Variants in SCNN1D observed in about 807,000 individuals in gnomAD.
SCNN1D encodes epithelial sodium channel subunit delta.
In SCNN1D, 104 loss-of-function variants were observed where a neutral mutation model predicts 87.8. The ratio of observed to expected loss-of-function variants is 1.18; its 90% CI spans 1.01 to 1.39. SCNN1D has a LOEUF of 1.39. SCNN1D is among the 40% of genes most tolerant of loss of function. The pLI is 0.00. For missense variants in SCNN1D, 1,324 were observed against 1,093.9 expected, an observed-to-expected ratio of 1.21 and a Z score of -2.97; for synonymous variants, 628 against 481.2, an observed-to-expected ratio of 1.31 and a Z score of -3.99.
At position 1,287,450 on chromosome 1, in the gene SCNN1D, C is replaced by G. The variant is rs1249241457; in HGVS notation, c.1311-58C>G. Reference sequence around the variant, plus strand: ...CAGGGCAGGCCATGGCCCCTCAGGCCAGCGTGACGGGCGCGGGCAGCCGAC... The same window carrying G: ...CAGGGCAGGCCATGGCCCCTCAGGCGAGCGTGACGGGCGCGGGCAGCCGAC... On this transcript the variant is annotated intron_variant, in intron 9 of 17. Coordinates refer to ENST00000379116, the MANE Select transcript of SCNN1D (RefSeq NM_001130413.4). 3 of 1,493,010 alleles carry G rather than the reference C, an allele frequency of 2.0e-6. No homozygotes were observed. In the Admixed American group the frequency reaches 6.6e-5, roughly 33 times the overall value. The allele number at this position is 1,493,010 out of a possible 1,614,324, so 92.5% of individuals were successfully genotyped here.
At chr1:1,281,103 C>T (rs1478081165) in intron 1 of SCNN1D, 123 bp from the exon 2 acceptor site, 9 of 930,298 alleles carry the variant, frequency 9.7e-6, no homozygotes, top group Middle Eastern at 3.3e-4. Context: ...GCACCAGAAC[C>T]GTCCCAGGGC....
In SCNN1D at chr1:1,290,682, C is replaced by G; in HGVS notation, c.1905C>G (p.Ser635=). ...CCACTGGGACCTCCAGGTGGCCTTC[C>G]GCCAAGTCAGCTGTGAGTCCCCAAA... ...KLSTGTSRWP[S]AKSAGWTLAT... is the part of the protein sequence containing the mutation. The change falls in exon 15 of 18, where the codon TCC becomes TCG. Residue 635 remains serine, a synonymous_variant. Coordinates refer to ENST00000379116, the MANE Select transcript of SCNN1D (RefSeq NM_001130413.4). The G allele has an allele frequency of 1.2e-6, 2 of 1,612,602 alleles. No individual in the cohort carries two copies. The highest frequency in any genetic ancestry group is 1.7e-6 in the Non-Finnish European group (2 of 1,179,932).
chr1:1,286,176 T>A lies in SCNN1D; in HGVS notation c.809T>A (p.Leu270His). ...GCGCTCTGCTGGCAGCTGGGGCTCC[T>A]CTTTGAGCGTCACTGGCACCGCCCG... is the stretch of plus-strand genomic sequence containing the variant. ...LVALCWQLGL[L>H]FERHWHRPVL... Residue 270 changes from leucine (L) to histidine (H), a missense_variant, in exon 7 of 18, where the codon CTC becomes CAC. Leu to His is a moderately conservative substitution (Grantham distance 99). Transcript: ENST00000379116. The A allele has an allele frequency of 1.9e-6, 3 of 1,605,270 alleles. No individual in the cohort carries two copies. The South Asian group carries it at 3.3e-5, about 18-fold the overall frequency.
chr1:1,288,040 G>GATC lies in SCNN1D; in HGVS notation c.1662+4_1662+5insTCA, dbSNP rs1329248046. ...ACAACACCTCCTACACCAGGCAGGTGAGGCTGGGCTGGCAGGGGGTGCGGG... is the reference window on the plus strand; with the variant it reads ...ACAACACCTCCTACACCAGGCAGGTGATCAGGCTGGGCTGGCAGGGGGTGCGGG... On this transcript the variant is annotated splice_donor_region_variant and intron_variant, in intron 12 of 17. Coordinates refer to ENST00000379116, the MANE Select transcript of SCNN1D (RefSeq NM_001130413.4). 5 of 1,525,002 alleles carry GATC rather than the reference G, an allele frequency of 3.3e-6. No individual in the cohort carries two copies. In the East Asian group the frequency reaches 1.0e-4, roughly 31 times the overall value. The allele number at this position is 1,525,002 out of a possible 1,614,324, so 94.5% of individuals were successfully genotyped here.
At chr1:1,283,312 G>A (rs1282596317) in intron 4 of SCNN1D, among the ~76,000 whole-genome samples, 1 of 152,164 alleles carries the variant, frequency 6.6e-6, no homozygotes, top group African/African-American at 2.4e-5. Flanking sequence ...GGGAGCTGAG[G>A]TCCCCACCCA....
intron 12 of SCNN1D, 30 bp from the exon 13 acceptor site, chr1:1,290,241 C>A: frequency 6.7e-7 from 1 of 1,498,586 alleles, no homozygotes; most frequent in Non-Finnish European, 9.0e-7. Flanking sequence ...CGCTCCATCC[C>A]ATGTCCCTGC....
At chr1:1,291,017 C>T in intron 16 of SCNN1D, 48 bp from the exon 17 acceptor site, 1 of 1,599,446 alleles carries the variant, frequency 6.3e-7, no homozygotes, top group Non-Finnish European at 8.5e-7. Flanking sequence ...CCCCCCTCCC[C>T]ATCATGAAGG....
Position 1,290,484 on chromosome 1 carries a change from C to T in SCNN1D, c.1788C>T (p.Cys596=). 2 of 1,612,696 alleles carry T rather than the reference C, an allele frequency of 1.2e-6. No individual in the cohort carries two copies. Among genetic ancestry groups the T allele is most frequent in the South Asian group, 1.1e-5 (1 of 91,086 alleles). The change falls in exon 14 of 18, where the codon TGC becomes TGT. Residue 596 remains cysteine, a synonymous_variant. Transcript: ENST00000379116. ...SSARHPAWGH[C]FYRLYQDLET... is the part of the protein sequence containing the mutation. Reference sequence around the variant, plus strand: ...CTCTGACCCCTCCCCAAGGACACTGCTTCTACCGCCTCTACCAGGACCTGG... The same window carrying T: ...CTCTGACCCCTCCCCAAGGACACTGTTTCTACCGCCTCTACCAGGACCTGG...
Position 1,291,347 on chromosome 1 carries a change from G to T in SCNN1D, c.2146G>T (p.Asp716Tyr), listed in dbSNP as rs369812333. ...CCTGGAGCTCCTGGAGCTGCTGCTC[G>T]ATGCTTCTGCCCTCACCCTGGTGCT... is the stretch of plus-strand genomic sequence containing the variant. Reference protein sequence around the residue: ...SLLELLELLLDASALTLVLGG... With the variant: ...SLLELLELLLYASALTLVLGG... Residue 716 changes from aspartate (D) to tyrosine (Y), a missense_variant, in exon 18 of 18, where the codon GAT (aspartate) becomes TAT (tyrosine). Coordinates refer to ENST00000379116, the MANE Select transcript of SCNN1D (RefSeq NM_001130413.4). 1 of 1,606,334 alleles carries T rather than the reference G, an allele frequency of 6.2e-7. No homozygotes were observed. Among genetic ancestry groups the T allele is most frequent in the South Asian group, 1.1e-5 (1 of 90,222 alleles).
At position 1,284,797 on chromosome 1, in the gene SCNN1D, C is replaced by G. The variant is rs536283899; in HGVS notation, c.464+707C>G. Among the ~76,000 whole-genome samples, 59 of 152,210 alleles carry G rather than the reference C, an allele frequency of 3.9e-4. 1 individual carries two copies. The highest frequency in any genetic ancestry group is 1.3e-3 in the African/African-American group (56 of 41,492). ...GGTGGAGAGGCCAGTGTAGTCCTGT[C>G]TCACACACACGCGCACATGCAGGGT... On this transcript the variant is annotated intron_variant, in intron 5 of 17. Coordinates refer to ENST00000379116, the MANE Select transcript of SCNN1D (RefSeq NM_001130413.4).
At chr1:1,284,735 G>A (rs532565358) in intron 5 of SCNN1D, among the ~76,000 whole-genome samples, 12 of 152,214 alleles carry the variant, frequency 7.9e-5, no homozygotes, top group Middle Eastern at 3.4e-3. Flanking sequence ...TGTGCATCCC[G>A]TGGGTTGGCC....
intron 7 of SCNN1D, among the ~76,000 whole-genome samples, 194 bp downstream of exon 7, chr1:1,286,472 TCA>T (rs1177169640): frequency 1.3e-5 from 2 of 152,178 alleles, no homozygotes; most frequent in African/African-American, 4.8e-5. Flanking sequence ...AGGAGGGGGC[TCA>T]GTGTGGTCAC....
intron 12 of SCNN1D, among the ~76,000 whole-genome samples, chr1:1,288,243 GTC>G (rs144175042): frequency 2.4e-4 from 32 of 135,642 alleles, no homozygotes; most frequent in East Asian, 1.2e-3. Context: ...TCCGTCCCGT[GTC>G]TCTGCTCCGT....
intron 7 of SCNN1D, among the ~76,000 whole-genome samples, 192 bp downstream of exon 7, chr1:1,286,470 G>A (rs1016153533): frequency 6.6e-6 from 1 of 152,180 alleles, no homozygotes; most frequent in African/African-American, 2.4e-5. Flanking sequence ...CAAGGAGGGG[G>A]CTCAGTGTGG....
In SCNN1D at chr1:1,291,585, A is replaced by C; in HGVS notation, c.2384A>C (p.Gln795Pro). The C allele has an allele frequency of 6.4e-7, 1 of 1,554,960 alleles. No homozygotes were observed. The highest frequency in any genetic ancestry group is 8.7e-7 in the Non-Finnish European group (1 of 1,147,754). ...VSAEESWAGP[Q>P]PLETLDT ...GCCGAAGAGAGCTGGGCTGGGCCCC[A>C]GCCCCTTGAGACTCTGGACACCTGA... Residue 795 changes from glutamine (Q) to proline (P), a missense_variant, in exon 18 of 18, where the codon CAG (glutamine) becomes CCG (proline). Gln to Pro is a moderately conservative substitution (Grantham distance 76, BLOSUM62 -1). Coordinates refer to ENST00000379116, the MANE Select transcript of SCNN1D (RefSeq NM_001130413.4).
At position 1,286,203 on chromosome 1, in the gene SCNN1D, T is replaced by C; in HGVS notation, c.836T>C (p.Val279Ala). 1 of 1,601,298 alleles carries C rather than the reference T, an allele frequency of 6.2e-7. No homozygotes were observed. The highest frequency in any genetic ancestry group is 8.5e-7 in the Non-Finnish European group (1 of 1,178,002). The change falls in exon 7 of 18, where the codon GTC (valine) becomes GCC (alanine). Residue 279 changes from valine to alanine, a missense_variant. Coordinates refer to ENST00000379116, the MANE Select transcript of SCNN1D (RefSeq NM_001130413.4). ...LLFERHWHRPVLMAVSVHSER... is the reference protein window; with the variant it reads ...LLFERHWHRPALMAVSVHSER... ...TTTGAGCGTCACTGGCACCGCCCGG[T>C]CCTCATGGCCGTCTCTGTGCACTCG... is the stretch of plus-strand genomic sequence containing the variant.
chr1:1,287,035 C>T (rs938794146), intron 8 of SCNN1D, 60 bp downstream of exon 8: 75 of 1,580,290 alleles, frequency 4.7e-5, no homozygotes, highest in South Asian at 2.2e-4. Context: ...CACGGCCCTG[C>T]GCTGCTGGTA....
chr1:1,285,556 C>T lies in SCNN1D; in HGVS notation c.465-15C>T, dbSNP rs1236675050. 1 of 1,501,548 alleles carries T rather than the reference C, an allele frequency of 6.7e-7. No homozygotes were observed. Among genetic ancestry groups the T allele is most frequent in the Admixed American group, 2.3e-5 (1 of 43,302 alleles). 93.0% of individuals were successfully genotyped at this position (1,501,548 alleles called of 1,614,324 possible). On this transcript the variant is annotated splice_polypyrimidine_tract_variant and intron_variant, in intron 5 of 17. Coordinates refer to ENST00000379116, the MANE Select transcript of SCNN1D (RefSeq NM_001130413.4). ...CGGGGCGCATGGACACGCTACCGTA[C>T]TTGCCTTTGGGTAGATCGCCTGGGC...
chr1:1,287,007 A>G (rs1375944079), intron 8 of SCNN1D, 32 bp downstream of exon 8: 4 of 1,601,044 alleles, frequency 2.5e-6, no homozygotes, highest in African/African-American at 2.7e-5. Flanking sequence ...TGCAGCCATC[A>G]GGGCCTTGAG....
Sources: allele counts gnomAD v4.1 joint callset (sites outside exome capture counted in the v4.1 genomes callset), GRCh38; gene constraint gnomAD v4.1.1; transcripts MANE v1.5; gene names NCBI Gene and HGNC (gene_info 2026-07-23, HGNC 2026-07-21).